KDM6A: variants seen among roughly 807,000 people sequenced by gnomAD.
The protein encoded by KDM6A is lysine-specific demethylase 6A.
Under a neutral mutation model 117.6 loss-of-function variants are expected in KDM6A, and 11 were observed. The ratio of observed to expected loss-of-function variants is 0.09; its 90% CI spans 0.06 to 0.15. The LOEUF is 0.15. Among genes scored for constraint, KDM6A ranks in the 10% least tolerant of loss-of-function variants. The pLI, the probability that KDM6A is intolerant of heterozygous loss-of-function variation, is 1.00. For synonymous variants in KDM6A, 384 were observed against 396.1 expected, an observed-to-expected ratio of 0.97 and a Z score of 0.36; for missense variants, 799 against 1,077.3, an observed-to-expected ratio of 0.74 and a Z score of 3.62.
chrX:44,910,427 G>A (rs1332324555), intron 2 of KDM6A, among the ~76,000 whole-genome samples: 1 of 109,718 alleles, frequency 9.1e-6, no homozygotes, highest in Non-Finnish European at 1.9e-5. Flanking sequence ...GACCTCAAAT[G>A]ATCTGCCCGA....
intron 4 of KDM6A, among the ~76,000 whole-genome samples, chrX:45,005,626 A>G (rs2041400280): frequency 9.0e-6 from 1 of 110,677 alleles, no homozygotes; most frequent in African/African-American, 3.3e-5. Flanking sequence ...GCTTTTTCCT[A>G]TGTTTAGTCC....
chrX:45,086,560 G>A (rs2045648541), intron 25 of KDM6A, among the ~76,000 whole-genome samples: 1 of 111,885 alleles, frequency 8.9e-6, no homozygotes, highest in Non-Finnish European at 1.9e-5. Context: ...GCCTCCTACA[G>A]TGCTGGATTA....
At chrX:45,001,939 G>T (rs2041163189) in intron 4 of KDM6A, among the ~76,000 whole-genome samples, 1 of 110,716 alleles carries the variant, frequency 9.0e-6, no homozygotes, top group African/African-American at 3.3e-5. Flanking sequence ...GGCTGGTGCT[G>T]GTTTACCGGA....
At chrX:45,096,463 CAT>C (rs1260106036) in intron 27 of KDM6A, among the ~76,000 whole-genome samples, 1 of 111,803 alleles carries the variant, frequency 8.9e-6, no homozygotes, top group Non-Finnish European at 1.9e-5. Flanking sequence ...ACCATTAAAA[CAT>C]GTGATCTTTA....
intron 4 of KDM6A, among the ~76,000 whole-genome samples, chrX:44,988,528 C>T (rs1286484889): frequency 9.0e-6 from 1 of 110,921 alleles, no homozygotes; most frequent in Non-Finnish European, 1.9e-5. Context: ...GTTTTTTCCC[C>T]ATCTTTGTGG....
rs1270066114 is a variant in KDM6A, at chrX:45,070,097, T to A, written c.2598T>A (p.Ser866=). The part of the protein sequence containing the change: ...HPAVHTKTDN[S]VASSPSSAIS... ...CTGTTCATACAAAGACTGATAACTCTGTTGCCTCTTCACCATCTTCAGCCA... is the reference window on the plus strand; with the variant it reads ...CTGTTCATACAAAGACTGATAACTCAGTTGCCTCTTCACCATCTTCAGCCA... The change falls in exon 18 of 30, where the codon TCT becomes TCA. Residue 866 remains serine (S), a synonymous_variant. Coordinates refer to ENST00000611820, the MANE Select transcript of KDM6A (RefSeq NM_001291415.2). The A allele has an allele frequency of 8.3e-7, 1 of 1,211,816 alleles. No homozygotes were observed. Among genetic ancestry groups the A allele is most frequent in the Non-Finnish European group, 1.1e-6 (1 of 895,431 alleles).
At chrX:45,054,824 G>C (rs1460607911) in intron 10 of KDM6A, among the ~76,000 whole-genome samples, 2 of 111,815 alleles carry the variant, frequency 1.8e-5, no homozygotes, top group Non-Finnish European at 3.8e-5. Context: ...AATTGTATTA[G>C]ATCAGTGGTC....
At chrX:45,109,750 T>C (rs1167817926) in intron 28 of KDM6A, among the ~76,000 whole-genome samples, 1 of 111,835 alleles carries the variant, frequency 8.9e-6, no homozygotes, top group Admixed American at 9.5e-5. Flanking sequence ...TGATCACTTA[T>C]GTCTGATTGT....
intron 5 of KDM6A, 99 bp downstream of exon 5, chrX:45,011,118 A>G (rs2041735993): frequency 1.7e-6 from 1 of 601,415 alleles, no homozygotes; most frequent in African/African-American, 2.2e-5. Flanking sequence ...TGTAATAAAT[A>G]GAAAATTTAG....
At chrX:44,982,829 A>C (rs2039979787) in intron 4 of KDM6A, among the ~76,000 whole-genome samples, 1 of 111,732 alleles carries the variant, frequency 8.9e-6, no homozygotes, top group Admixed American at 9.6e-5. Context: ...AATGTCAGGT[A>C]GGAGAGAAAT....
At chrX:45,044,004 T>C (rs1488711724) in intron 8 of KDM6A, among the ~76,000 whole-genome samples, 1 of 111,857 alleles carries the variant, frequency 8.9e-6, no homozygotes, top group Non-Finnish European at 1.9e-5. Flanking sequence ...ATATTTACCA[T>C]TGTATTGTAA....
intron 2 of KDM6A, among the ~76,000 whole-genome samples, chrX:44,897,303 T>G (rs2033976512): frequency 9.2e-6 from 1 of 108,685 alleles, no homozygotes; most frequent in Non-Finnish European, 1.9e-5. Flanking sequence ...TAATTTCCAT[T>G]TGGTTCTTCT....
In KDM6A at chrX:45,084,175, T is replaced by G. The variant is rs769344661; in HGVS notation, c.3589+567T>G. On this transcript the variant is annotated intron_variant, in intron 24 of 29. Coordinates refer to ENST00000611820, the MANE Select transcript of KDM6A (RefSeq NM_001291415.2). ...AACTAGTCTAGACTTTGCCACTAAT[T>G]AGGCTTGTCACTTTTGGCAAGTTAC... 1.1e-4 allele frequency among the ~76,000 whole-genome samples: 12 copies of G among 112,089 alleles called. No individual in the cohort carries two copies. In the East Asian group the frequency reaches 3.3e-3, roughly 31 times the overall value.
intron 3 of KDM6A, 69 bp downstream of exon 3, chrX:44,961,461 CAA>C (rs2038666993): frequency 2.7e-6 from 2 of 740,295 alleles, no homozygotes; most frequent in Non-Finnish European, 4.1e-6. Context: ...TGTGCTTTAT[CAA>C]GAGGATTTTC....
intron 6 of KDM6A, among the ~76,000 whole-genome samples, chrX:45,029,358 T>TG (rs769105488): frequency 1.6e-4 from 18 of 111,110 alleles, no homozygotes; most frequent in Non-Finnish European, 2.8e-4. Context: ...TCGCTTGACC[T>TG]GGGAGGCGGA....
At chrX:45,025,224 G>A (rs1434843469) in intron 6 of KDM6A, among the ~76,000 whole-genome samples, 6 of 110,789 alleles carry the variant, frequency 5.4e-5, no homozygotes, top group Non-Finnish European at 1.1e-4. Context: ...ATACTGTGGT[G>A]TGAACTCGGC....
At chrX:44,936,411 GT>G (rs2036971836) in intron 2 of KDM6A, among the ~76,000 whole-genome samples, 1 of 111,276 alleles carries the variant, frequency 9.0e-6, no homozygotes, top group Admixed American at 9.6e-5. Context: ...TTTTTTAACA[GT>G]TTTGTGGTCA....
intron 2 of KDM6A, among the ~76,000 whole-genome samples, chrX:44,874,394 C>G (rs1189543938): frequency 2.7e-5 from 3 of 111,655 alleles, no homozygotes; most frequent in Non-Finnish European, 5.6e-5. Context: ...TTCCTTCAAG[C>G]AGGCTGTTCG....
intron 27 of KDM6A, among the ~76,000 whole-genome samples, chrX:45,105,530 A>G (rs1191494164): frequency 1.8e-5 from 2 of 112,092 alleles, no homozygotes; most frequent in Non-Finnish European, 3.8e-5. Context: ...AAACTTGTTC[A>G]GTAAGATCTG....
Sources: allele counts gnomAD v4.1 joint callset (sites outside exome capture counted in the v4.1 genomes callset), GRCh38; gene constraint gnomAD v4.1.1; transcripts MANE v1.5; gene names NCBI Gene and HGNC (gene_info 2026-07-23, HGNC 2026-07-21).